Variants in USP20 observed in about 807,000 individuals in gnomAD.
The protein encoded by USP20 is ubiquitin specific peptidase 20.
Under a neutral mutation model 124.2 loss-of-function variants are expected in USP20, and 80 were observed. The ratio of observed to expected loss-of-function variants is 0.64; its 90% CI spans 0.54 to 0.78. The LOEUF is 0.78. USP20 is among the 30% of genes least tolerant of loss of function. The pLI, the probability that USP20 is intolerant of heterozygous loss-of-function variation, is 0.00. For missense variants in USP20, 1,043 were observed against 1,244.4 expected (o/e 0.84, Z 2.44); for synonymous variants, 481 against 512.3 (o/e 0.94, Z 0.83).
chr9:129,865,399 C>T lies in USP20; in HGVS notation c.690+18C>T, dbSNP rs1352070753. ...CCCAGCAGGTAAGCCATCTGAGCTG[C>T]CCAGGGGACACCCAAGGCCATGACC... On this transcript the variant is annotated intron_variant, in intron 10 of 25. Transcript: ENST00000372429. 3.1e-6 allele frequency: 5 copies of T among 1,613,920 alleles called. No homozygotes were observed. The highest frequency in any genetic ancestry group is 4.2e-6 in the Non-Finnish European group (5 of 1,179,808).
Position 129,859,255 on chromosome 9 carries a change from A to ATTTTATTTTAT in USP20, c.330+660_330+661insTATTTTATTTT. 7.2e-5 allele frequency among the ~76,000 whole-genome samples: 5 copies of ATTTTATTTTAT among 69,444 alleles called. 2 individuals carry two copies. The highest frequency in any genetic ancestry group is 3.2e-4 in the Admixed American group (2 of 6,342). 45.6% of individuals were successfully genotyped at this position (69,444 alleles called of 152,430 possible). A position where few individuals can be genotyped will look rare whatever the true frequency, so the allele number is the denominator to read the frequency against. On this transcript the variant is annotated intron_variant, in intron 6 of 25. Coordinates refer to ENST00000372429, the MANE Select transcript of USP20 (RefSeq NM_001110303.4). ...CAGCATCTGCATGGCTCTCTCCTCC[A>ATTTTATTTTAT]TTTATTTTATTTTATTTTATTTTAT...
At chr9:129,875,666 T>C (rs2034359826) in intron 21 of USP20, 25 bp downstream of exon 21, 2 of 1,609,682 alleles carry the variant, frequency 1.2e-6, no homozygotes, top group South Asian at 2.2e-5. Flanking sequence ...GGCCAACTTG[T>C]CTCCGTCCTG....
chr9:129,877,148 G>A (rs147982281), intron 22 of USP20, among the ~76,000 whole-genome samples: 84 of 152,312 alleles, frequency 5.5e-4, no homozygotes, highest in African/African-American at 1.9e-3. Flanking sequence ...CTTCTAACAG[G>A]GTTAGGACGT....
intron 17 of USP20, 61 bp downstream of exon 17, chr9:129,873,805 C>T: frequency 6.3e-7 from 1 of 1,584,674 alleles, no homozygotes; most frequent in Non-Finnish European, 8.6e-7. Flanking sequence ...CCAGCACACA[C>T]CAGGCAGGGG....
intron 1 of USP20, among the ~76,000 whole-genome samples, chr9:129,849,145 C>A (rs1003237955): frequency 5.3e-5 from 8 of 152,216 alleles, no homozygotes; most frequent in African/African-American, 1.7e-4. Context: ...GGTTGATGGA[C>A]TGTGGTAGCC....
At position 129,881,719 on chromosome 9, in the gene USP20, C is replaced by A. The variant is rs930230625; in HGVS notation, c.*1269C>A. On this transcript the variant is annotated 3_prime_UTR_variant, in exon 26 of 26. Coordinates refer to ENST00000372429, the MANE Select transcript of USP20 (RefSeq NM_001110303.4). Reference sequence around the variant, plus strand: ...GCCGGCGCTGCAGCCAGAGGCCGCACGCTGCACTGTCGCGACGCAGAGAGG... The same window carrying A: ...GCCGGCGCTGCAGCCAGAGGCCGCAAGCTGCACTGTCGCGACGCAGAGAGG... 1.3e-5 allele frequency: 2 copies of A among 152,338 alleles called. No homozygotes were observed. Among genetic ancestry groups the A allele is most frequent in the Non-Finnish European group, 2.9e-5 (2 of 68,078 alleles). 9.4% of individuals were successfully genotyped at this position (152,338 alleles called of 1,614,324 possible).
intron 1 of USP20, among the ~76,000 whole-genome samples, chr9:129,844,663 A>T (rs1473003388): frequency 6.6e-6 from 1 of 151,162 alleles, no homozygotes; most frequent in Non-Finnish European, 1.5e-5. Context: ...ATATTCGTAC[A>T]TGTAAATAAG....
In USP20 at chr9:129,869,445, G is replaced by A; in HGVS notation, c.1392+20G>A. 1 of 1,610,590 alleles carries A rather than the reference G, an allele frequency of 6.2e-7. No homozygotes were observed. ...GACCGGGTGGGTGCCCCAGGGATGG[G>A]GGGAGCTGGGCCAGGCTGCCAGTGG... On this transcript the variant is annotated intron_variant, in intron 13 of 25. Coordinates refer to ENST00000372429, the MANE Select transcript of USP20 (RefSeq NM_001110303.4).
Position 129,878,020 on chromosome 9 carries a change from C to T in USP20, c.2410-318C>T, listed in dbSNP as rs190885347. 9.9e-5 allele frequency among the ~76,000 whole-genome samples: 15 copies of T among 152,178 alleles called. No individual in the cohort carries two copies. In the East Asian group the frequency reaches 2.3e-3, roughly 24 times the overall value. On this transcript the variant is annotated intron_variant, in intron 22 of 25. Coordinates refer to ENST00000372429, the MANE Select transcript of USP20 (RefSeq NM_001110303.4). ...CTGGGAGGCAGAGGTTGCAGTAAGC[C>T]GAGATCGCGCCACTGCACTCCAGCC...
intron 3 of USP20, 125 bp from the exon 4 acceptor site, chr9:129,856,182 T>C: frequency 2.1e-6 from 2 of 935,208 alleles, no homozygotes; most frequent in Non-Finnish European, 3.4e-6. Flanking sequence ...GGCCAGGGCT[T>C]GAAGCTGAGA....
chr9:129,842,697 G>A (rs529438609), intron 1 of USP20, among the ~76,000 whole-genome samples: 1 of 151,464 alleles, frequency 6.6e-6, no homozygotes, highest in East Asian at 2.0e-4. Flanking sequence ...GGGTTCAAGC[G>A]ATTCTCCTGC....
chr9:129,880,101 C>T lies in USP20; in HGVS notation c.2585-12C>T, dbSNP rs377765366. On this transcript the variant is annotated splice_polypyrimidine_tract_variant and intron_variant, in intron 24 of 25. Transcript: ENST00000372429. ...CAAAGGTGAGCCTAGGGGTGCCTCTCGTGCCCTGCAGGAGCTGACTACGGG... is the reference window on the plus strand; with the variant it reads ...CAAAGGTGAGCCTAGGGGTGCCTCTTGTGCCCTGCAGGAGCTGACTACGGG... 33 of 1,612,310 alleles carry T rather than the reference C, an allele frequency of 2.0e-5. No homozygotes were observed. Among genetic ancestry groups the T allele is most frequent in the African/African-American group, 2.0e-4 (15 of 74,898 alleles).
In USP20 at chr9:129,870,540, G is replaced by A. The variant is rs1390719337; in HGVS notation, c.1653G>A (p.Glu551=). 3.7e-6 allele frequency: 6 copies of A among 1,614,096 alleles called. No homozygotes were observed. The highest frequency in any genetic ancestry group is 5.1e-6 in the Non-Finnish European group (6 of 1,180,008). ...DCLAAFFAAD[E]LKGDNMYSCE... Reference sequence around the variant, plus strand: ...TTGCTGCCTTCTTTGCCGCTGATGAGTTAAAGGGTGAGGGGCCTGGCTGGC... The same window carrying A: ...TTGCTGCCTTCTTTGCCGCTGATGAATTAAAGGGTGAGGGGCCTGGCTGGC... The change falls in exon 15 of 26, where the codon GAG becomes GAA. Residue 551 remains glutamate (E), a synonymous_variant. Coordinates refer to ENST00000372429, the MANE Select transcript of USP20 (RefSeq NM_001110303.4).
At position 129,865,317 on chromosome 9, in the gene USP20, T is replaced by G. The variant is rs958967761; in HGVS notation, c.626T>G (p.Val209Gly). ...VWHKKRPSYV[V>G]PTSLSHGIKL... Reference sequence around the variant, plus strand: ...GCTTCCTACAGGCCAAGCTACGTGGTCCCCACCAGTCTGTCTCATGGGATC... The same window carrying G: ...GCTTCCTACAGGCCAAGCTACGTGGGCCCCACCAGTCTGTCTCATGGGATC... Residue 209 changes from valine to glycine, a missense_variant, in exon 10 of 26, where the codon GTC becomes GGC. By Grantham distance (109) the Val-to-Gly change is moderately radical. Coordinates refer to ENST00000372429, the MANE Select transcript of USP20 (RefSeq NM_001110303.4). 1 of 1,613,986 alleles carries G rather than the reference T, an allele frequency of 6.2e-7. No homozygotes were observed. The highest frequency in any genetic ancestry group is 8.5e-7 in the Non-Finnish European group (1 of 1,179,996).
At chr9:129,867,255 G>C (rs550798515) in intron 10 of USP20, among the ~76,000 whole-genome samples, 1 of 152,202 alleles carries the variant, frequency 6.6e-6, no homozygotes, top group African/African-American at 2.4e-5. Context: ...TGAGCACACA[G>C]ATCTCAGTGG....
chr9:129,846,740 C>T (rs2032598676), intron 1 of USP20, among the ~76,000 whole-genome samples: 1 of 151,738 alleles, frequency 6.6e-6, no homozygotes, highest in Admixed American at 6.6e-5. Context: ...GATTCTCCTG[C>T]CTCAGCCTCC....
chr9:129,857,945 A>G (rs2417150), intron 4 of USP20, 105 bp from the exon 5 acceptor site: 924,917 of 1,019,504 alleles, frequency 0.91, 420,604 homozygotes, highest in East Asian at 1. Flanking sequence ...TGTGGCCCCT[A>G]TTCAGGAGAG....
At chr9:129,859,383 C>T (rs1038986735) in intron 6 of USP20, among the ~76,000 whole-genome samples, 5 of 150,646 alleles carry the variant, frequency 3.3e-5, no homozygotes, top group Non-Finnish European at 5.9e-5. Flanking sequence ...AACTGATTGT[C>T]CTGCCTCAAC....
At position 129,878,438 on chromosome 9, in the gene USP20, A is replaced by T; in HGVS notation, c.2510A>T (p.Asn837Ile). The change falls in exon 23 of 26, where the codon AAC becomes ATC. Residue 837 changes from asparagine to isoleucine, a missense_variant and splice_region_variant. Asn to Ile is a moderately radical substitution (Grantham distance 149). Coordinates refer to ENST00000372429, the MANE Select transcript of USP20 (RefSeq NM_001110303.4). ...GAGGCGTTCGTCAAGGGGAAGGACA[A>T]CGGTGAGCTGAGGGGGGACCTGGCA... ...EWEAFVKGKDNEPPGPIDNSR... is the reference protein window; with the variant it reads ...EWEAFVKGKDIEPPGPIDNSR... 1.2e-6 allele frequency: 2 copies of T among 1,604,860 alleles called. No homozygotes were observed. The highest frequency in any genetic ancestry group is 2.2e-5 in the East Asian group (1 of 44,618).
Sources: gnomAD v4.1 joint callset for allele counts (sites outside exome capture counted in the v4.1 genomes callset) on GRCh38, gnomAD v4.1.1 for gene constraint, MANE v1.5 for transcripts, NCBI Gene and HGNC (gene_info 2026-07-23, HGNC 2026-07-21) for gene names.